Variants in UTP20 observed in about 807,000 individuals in gnomAD.
UTP20 encodes small subunit processome component 20 homolog.
In UTP20, 164 loss-of-function variants were observed where a neutral mutation model predicts 329.5. The ratio of observed to expected loss-of-function variants is 0.50; its 90% confidence interval spans 0.44 to 0.57. The LOEUF is 0.57. Among genes scored for constraint, UTP20 ranks in the 20% least tolerant of loss-of-function variants. The probability of loss-of-function intolerance (pLI) is 0.00; values close to 1 mark genes in which losing one functional copy is unlikely to be tolerated. For missense variants in UTP20, 3,055 were observed against 3,284.2 expected, an observed-to-expected ratio of 0.93 and a Z score of 1.71; for synonymous variants, 1,151 against 1,159.3, an observed-to-expected ratio of 0.99 and a Z score of 0.14.
At chr12:101,311,884 GA>G in intron 20 of UTP20, 86 bp downstream of exon 20, 1 of 1,555,168 alleles carries the variant, frequency 6.4e-7, no homozygotes, top group South Asian at 1.2e-5. Flanking sequence ...CACGAAATTG[GA>G]AAACAGAGAT....
At chr12:101,326,481 C>T (rs1371452084) in intron 25 of UTP20, among the ~76,000 whole-genome samples, 2 of 151,532 alleles carry the variant, frequency 1.3e-5, no homozygotes, top group Non-Finnish European at 2.9e-5. Flanking sequence ...CAATAAGTAT[C>T]GGTCTCTGTG....
intron 15 of UTP20, among the ~76,000 whole-genome samples, chr12:101,302,963 G>A (rs1020508812): frequency 1.3e-5 from 2 of 152,186 alleles, no homozygotes; most frequent in South Asian, 4.1e-4. Flanking sequence ...ACTACACACT[G>A]AAACAATCCA....
intron 21 of UTP20, among the ~76,000 whole-genome samples, chr12:101,316,144 A>C (rs1313591239): frequency 2.0e-5 from 3 of 152,180 alleles, no homozygotes; most frequent in Non-Finnish European, 4.4e-5. Context: ...AATATGTTTC[A>C]ATTAATTTGG....
chr12:101,301,865 A>G (rs1024313878), intron 14 of UTP20, among the ~76,000 whole-genome samples: 1 of 152,120 alleles, frequency 6.6e-6, no homozygotes, highest in Non-Finnish European at 1.5e-5. Flanking sequence ...GGACCATTAT[A>G]CTTGGTACTC....
intron 41 of UTP20, among the ~76,000 whole-genome samples, chr12:101,355,933 T>C (rs1401559125): frequency 6.6e-6 from 1 of 152,250 alleles, no homozygotes; most frequent in Middle Eastern, 3.2e-3. Flanking sequence ...TTTCCTATAC[T>C]TGACAGCAGT....
intron 44 of UTP20, among the ~76,000 whole-genome samples, chr12:101,362,354 A>G (rs1869955974): frequency 6.6e-6 from 1 of 152,230 alleles, no homozygotes; most frequent in African/African-American, 2.4e-5. Context: ...TATTTTTAAG[A>G]AATAAGTTAT....
In UTP20 at chr12:101,373,705, A is replaced by G. The variant is rs1230886146; in HGVS notation, c.7069A>G (p.Ile2357Val). 1 of 1,612,318 alleles carries G rather than the reference A, an allele frequency of 6.2e-7. No homozygotes were observed. Among genetic ancestry groups the G allele is most frequent in the Admixed American group, 1.7e-5 (1 of 59,338 alleles). ...SMTIKSLLGKISLEKKDWLFD... is the reference protein window; with the variant it reads ...SMTIKSLLGKVSLEKKDWLFD... Reference sequence around the variant, plus strand: ...GACAATCAAGTCCCTACTTGGTAAAATCAGCCTCGAGAAAAAAGATTGGCT... The same window carrying G: ...GACAATCAAGTCCCTACTTGGTAAAGTCAGCCTCGAGAAAAAAGATTGGCT... The change falls in exon 54 of 62, where the codon ATC becomes GTC. Residue 2357 changes from isoleucine to valine, a missense_variant. Ile to Val is a conservative substitution (Grantham distance 29). Transcript: ENST00000261637.
chr12:101,304,849 A>C (rs1321858837), intron 15 of UTP20, among the ~76,000 whole-genome samples: 2 of 152,094 alleles, frequency 1.3e-5, no homozygotes, highest in Admixed American at 6.6e-5. Context: ...GCTCCGTATG[A>C]GCTAACTCCT....
At chr12:101,293,144 T>C in intron 10 of UTP20, 24 bp from the exon 11 acceptor site, 1 of 1,607,116 alleles carries the variant, frequency 6.2e-7, no homozygotes, top group Non-Finnish European at 8.5e-7. Flanking sequence ...GTACTTACAT[T>C]AATATTTTTT....
Position 101,329,464 on chromosome 12 carries a change from A to C in UTP20, c.3417+15A>C. On this transcript the variant is annotated intron_variant, in intron 27 of 61. Coordinates refer to ENST00000261637, the MANE Select transcript of UTP20 (RefSeq NM_014503.3). The stretch of plus-strand genomic sequence containing the variant: ...AACGAGAAAAGGTTAGATTCACTAT[A>C]GATGCTTTCAAGTCAAGTGCTTGAA... 1.3e-6 allele frequency: 2 copies of C among 1,599,688 alleles called. No homozygotes were observed.
At chr12:101,375,905 G>A (rs1870454833) in intron 56 of UTP20, 149 bp downstream of exon 56, 2 of 530,712 alleles carry the variant, frequency 3.8e-6, no homozygotes, top group African/African-American at 4.0e-5. Flanking sequence ...GGTTCTATCA[G>A]ATTGAACACA....
In UTP20 at chr12:101,334,511, C is replaced by A; in HGVS notation, c.3641+7C>A. 6.2e-7 allele frequency: 1 copy of A among 1,607,038 alleles called. No homozygotes were observed. The highest frequency in any genetic ancestry group is 8.5e-7 in the Non-Finnish European group (1 of 1,178,726). The stretch of plus-strand genomic sequence containing the variant: ...TCTGGAGCAGAAACGCAAGGTATAA[C>A]CTTTCTTTTTTCCTTCTTTAAAAAG... On this transcript the variant is annotated splice_region_variant and intron_variant, in intron 29 of 61. Coordinates refer to ENST00000261637, the MANE Select transcript of UTP20 (RefSeq NM_014503.3).
chr12:101,356,694 G>A lies in UTP20; in HGVS notation c.5534+1G>A. 6.2e-7 allele frequency: 1 copy of A among 1,602,434 alleles called. No homozygotes were observed. The highest frequency in any genetic ancestry group is 8.5e-7 in the Non-Finnish European group (1 of 1,177,058). ...AAGTTATGGAAGCTAATCTGCCAAG[G>A]TATGTTTTTTAACAAATTAGAAGTT... is the stretch of plus-strand genomic sequence containing the variant. On this transcript the variant is annotated splice_donor_variant, in intron 42 of 61. Coordinates refer to ENST00000261637, the MANE Select transcript of UTP20 (RefSeq NM_014503.3). LOFTEE classifies it high-confidence loss of function.
chr12:101,324,549 C>G (rs938759951), intron 25 of UTP20, among the ~76,000 whole-genome samples: 3 of 152,188 alleles, frequency 2.0e-5, no homozygotes, highest in Non-Finnish European at 4.4e-5. Context: ...TGATTACACA[C>G]ATGAGCCACC....
In UTP20 at chr12:101,312,240, C is replaced by T; in HGVS notation, c.2516C>T (p.Ser839Phe). Residue 839 changes from serine (S) to phenylalanine (F), a missense_variant, in exon 21 of 62, where the codon TCC becomes TTC. Ser to Phe is a radical substitution (Grantham distance 155). Transcript: ENST00000261637. ...TKFPERVEPR[S>F]RELSPLFLRF... is the part of the protein sequence containing the mutation. ...TTCCCAGAAAGAGTAGAGCCACGGT[C>T]CAGGGAGCTTTCCCCGCTTTTCTTG... 1 of 1,614,174 alleles carries T rather than the reference C, an allele frequency of 6.2e-7. No homozygotes were observed.
Position 101,342,947 on chromosome 12 carries a change from G to A in UTP20, c.4303G>A (p.Ala1435Thr), listed in dbSNP as rs765891022. The A allele has an allele frequency of 2.2e-5, 35 of 1,612,818 alleles. No homozygotes were observed. The highest frequency in any genetic ancestry group is 2.9e-5 in the Non-Finnish European group (34 of 1,179,704). ...TCAATGGCATTTCTTATAGCTTAAC[G>A]CCTTCGATCAAAGACATCTTGATGA... ...KYITDVVKLN[A>T]FDQRHLDDIN... Residue 1435 changes from alanine (A) to threonine (T), a missense_variant, in exon 35 of 62, where the codon GCC (alanine) becomes ACC (threonine). By Grantham distance (58) the Ala-to-Thr change is moderately conservative. Transcript: ENST00000261637.
chr12:101,321,950 G>T (rs7298507), intron 25 of UTP20, among the ~76,000 whole-genome samples: 77,911 of 150,986 alleles, frequency 0.52, 21,526 homozygotes, highest in East Asian at 0.94. Context: ...AGCCAAATTG[G>T]TATAGAGACT....
intron 15 of UTP20, among the ~76,000 whole-genome samples, 176 bp downstream of exon 15, chr12:101,302,729 A>G (rs1872553165): frequency 6.6e-6 from 1 of 152,272 alleles, no homozygotes; most frequent in Non-Finnish European, 1.5e-5. Flanking sequence ...CATTTGACAC[A>G]GTCTTTAAAT....
At chr12:101,317,800 A>T (rs928149328) in intron 22 of UTP20, 137 bp downstream of exon 22, 12 of 992,586 alleles carry the variant, frequency 1.2e-5, no homozygotes, top group Non-Finnish European at 4.2e-6. Flanking sequence ...GATTTTCTTT[A>T]ACAGCCTAAA....
Sources: allele counts gnomAD v4.1 joint callset (sites outside exome capture counted in the v4.1 genomes callset), GRCh38; gene constraint gnomAD v4.1.1; transcripts MANE v1.5; gene names NCBI Gene and HGNC (gene_info 2026-07-23, HGNC 2026-07-21).